FRAS1: variants seen among roughly 807,000 people sequenced by gnomAD.
FRAS1 encodes extracellular matrix organizing protein FRAS1.
In FRAS1, 290 loss-of-function variants were observed where a neutral mutation model predicts 435.2. The observed-to-expected ratio is 0.67, with a 90% CI of 0.61 to 0.73. The LOEUF (loss-of-function observed/expected upper bound fraction) is 0.73. FRAS1 is among the 30% of genes least tolerant of loss of function. FRAS1 has a pLI of 0.00. For synonymous variants in FRAS1, 1,800 were observed against 1,851.0 expected, an observed-to-expected ratio of 0.97 and a Z score of 0.71; for missense variants, 4,860 against 5,001.5, an observed-to-expected ratio of 0.97 and a Z score of 0.85.
chr4:78,224,482 G>A (rs962729658), intron 2 of FRAS1, among the ~76,000 whole-genome samples: 4 of 152,110 alleles, frequency 2.6e-5, no homozygotes, highest in African/African-American at 9.7e-5. Flanking sequence ...GTGTATATAT[G>A]TGTATGTAAT....
Position 78,482,495 on chromosome 4 carries a change from C to T in FRAS1, c.8712C>T (p.Pro2904=), listed in dbSNP as rs1720041641. The T allele has an allele frequency of 6.2e-7, 1 of 1,613,770 alleles. No homozygotes were observed. The highest frequency in any genetic ancestry group is 1.3e-5 in the African/African-American group (1 of 74,914). ...SSAQGAELTK[P]FQAVIAINDT... is the part of the protein sequence containing the mutation. ...CACAAGGAGCCGAACTGACCAAACC[C>T]TTCCAGGCAGTCATTGCAATTAATG... The change falls in exon 58 of 74, where the codon CCC becomes CCT. Residue 2904 remains proline, a synonymous_variant. Transcript: ENST00000512123.
intron 2 of FRAS1, among the ~76,000 whole-genome samples, chr4:78,229,304 T>A (rs35712008): frequency 6.6e-6 from 1 of 151,636 alleles, no homozygotes; most frequent in Admixed American, 6.6e-5. Context: ...CTCTTTGTCC[T>A]TGTTTTTTTT....
chr4:78,261,621 C>T (rs921604509), intron 6 of FRAS1, among the ~76,000 whole-genome samples: 1 of 151,854 alleles, frequency 6.6e-6, no homozygotes, highest in African/African-American at 2.4e-5. Flanking sequence ...TACACCCATA[C>T]AAAAGAAACA....
intron 12 of FRAS1, among the ~76,000 whole-genome samples, chr4:78,283,569 T>C (rs1727432706): frequency 6.6e-6 from 1 of 152,230 alleles, no homozygotes; most frequent in African/African-American, 2.4e-5. Context: ...CCTATAAGTT[T>C]AGTCTCTCTT....
At chr4:78,292,215 T>A (rs1217544957) in intron 14 of FRAS1, among the ~76,000 whole-genome samples, 1 of 152,214 alleles carries the variant, frequency 6.6e-6, no homozygotes. Flanking sequence ...TAAAATCTGC[T>A]TTTATATGTT....
At chr4:78,432,123 A>G (rs1454098315) in intron 37 of FRAS1, among the ~76,000 whole-genome samples, 2 of 152,192 alleles carry the variant, frequency 1.3e-5, no homozygotes, top group Non-Finnish European at 2.9e-5. Flanking sequence ...CTTCAGTGGA[A>G]TTAGCTATCT....
intron 2 of FRAS1, among the ~76,000 whole-genome samples, chr4:78,176,081 C>G (rs972497269): frequency 6.6e-6 from 1 of 152,092 alleles, no homozygotes; most frequent in Admixed American, 6.5e-5. Flanking sequence ...TGTTGATGCC[C>G]ACGAAATTAA....
chr4:78,136,735 T>C (rs1719935955), intron 2 of FRAS1, among the ~76,000 whole-genome samples: 1 of 152,208 alleles, frequency 6.6e-6, no homozygotes, highest in African/African-American at 2.4e-5. Context: ...CACCCTGATG[T>C]CTTGCTCTTT....
At chr4:78,245,496 C>T (rs527706956) in intron 4 of FRAS1, among the ~76,000 whole-genome samples, 171 bp downstream of exon 4, 2 of 152,256 alleles carry the variant, frequency 1.3e-5, no homozygotes, top group East Asian at 3.9e-4. Flanking sequence ...AAGAGTAAAA[C>T]ATTCTGTAGG....
At chr4:78,140,970 T>C (rs1720157403) in intron 2 of FRAS1, among the ~76,000 whole-genome samples, 1 of 152,096 alleles carries the variant, frequency 6.6e-6, no homozygotes, top group South Asian at 2.1e-4. Flanking sequence ...TGATAAAAGG[T>C]GGGTGATGGG....
intron 2 of FRAS1, among the ~76,000 whole-genome samples, chr4:78,127,735 T>A (rs1423618003): frequency 3.9e-5 from 6 of 151,994 alleles, no homozygotes; most frequent in Non-Finnish European, 8.8e-5. Context: ...GTTTTTTTTA[T>A]TTATTTATTT....
At chr4:78,361,949 T>G (rs1382036071) in intron 20 of FRAS1, among the ~76,000 whole-genome samples, 1 of 152,170 alleles carries the variant, frequency 6.6e-6, no homozygotes, top group African/African-American at 2.4e-5. Flanking sequence ...TAAAGGATGA[T>G]AAATGGGACT....
At chr4:78,386,397 A>T (rs1732219257) in intron 28 of FRAS1, among the ~76,000 whole-genome samples, 1 of 152,166 alleles carries the variant, frequency 6.6e-6, no homozygotes, top group African/African-American at 2.4e-5. Flanking sequence ...CATGTATAGA[A>T]TCACAGCTGT....
At chr4:78,502,181 G>C (rs751821218) in intron 61 of FRAS1, among the ~76,000 whole-genome samples, 1 of 152,174 alleles carries the variant, frequency 6.6e-6, no homozygotes, top group Admixed American at 6.5e-5. Context: ...TTTTTGCTTA[G>C]GACTGTCTTG....
At chr4:78,246,171 A>G (rs1430435841) in intron 4 of FRAS1, among the ~76,000 whole-genome samples, 2 of 152,220 alleles carry the variant, frequency 1.3e-5, no homozygotes, top group Admixed American at 1.3e-4. Flanking sequence ...TGATATGTAA[A>G]TGTTACCTGA....
intron 59 of FRAS1, among the ~76,000 whole-genome samples, chr4:78,492,375 C>T (rs1403614499): frequency 2.0e-5 from 3 of 152,174 alleles, no homozygotes; most frequent in Admixed American, 1.3e-4. Flanking sequence ...GGGGGCATCA[C>T]ACTACCTGAC....
At chr4:78,530,652 T>C (rs1014122351) in intron 70 of FRAS1, among the ~76,000 whole-genome samples, 1 of 152,170 alleles carries the variant, frequency 6.6e-6, no homozygotes, top group Non-Finnish European at 1.5e-5. Context: ...TGGTTGTAGA[T>C]GTGTGGCGTG....
chr4:78,420,879 CATATATATATATAT>C (rs72430754), intron 33 of FRAS1, among the ~76,000 whole-genome samples: 1,962 of 95,514 alleles, frequency 0.021, 92 homozygotes, highest in African/African-American at 0.075. Context: ...ACTAATAGGA[CATATATATATATAT>C]ATATATATAT....
At chr4:78,489,169 T>G in intron 59 of FRAS1, 89 bp downstream of exon 59, 1 of 1,307,132 alleles carries the variant, frequency 7.7e-7, no homozygotes, top group East Asian at 2.4e-5. Context: ...TTCCAAAAAT[T>G]CTCAGAATTT....
Sources: allele counts gnomAD v4.1 joint callset (sites outside exome capture counted in the v4.1 genomes callset), GRCh38; gene constraint gnomAD v4.1.1; transcripts MANE v1.5; gene names NCBI Gene and HGNC (gene_info 2026-07-23, HGNC 2026-07-21).